The following STK10 variants were observed in gnomAD, a reference collection of about 807,000 sequenced individuals.
STK10 encodes serine/threonine kinase 10.
STK10 carries 78 observed loss-of-function variants against 113.8 expected under a neutral mutation model. The ratio of observed to expected loss-of-function variants is 0.69; its 90% CI spans 0.57 to 0.83. The LOEUF (loss-of-function observed/expected upper bound fraction) is 0.83. Ranked by LOEUF, STK10 falls within the 40% of genes least tolerant of loss-of-function variation. The probability of loss-of-function intolerance (pLI) is 0.00; values close to 1 mark genes in which losing one functional copy is unlikely to be tolerated. For synonymous variants in STK10, 465 were observed against 494.7 expected, an observed-to-expected ratio of 0.94 and a Z score of 0.80; for missense variants, 1,109 against 1,280.1, an observed-to-expected ratio of 0.87 and a Z score of 2.04.
rs1299926670 is a variant in STK10 at position 172,042,110 on chromosome 5, CATTCT to C, written c.*2767_*2771del. 1 of 152,572 alleles carries C rather than the reference CATTCT, an allele frequency of 6.6e-6. No individual in the cohort carries two copies. The highest frequency in any genetic ancestry group is 1.5e-5 in the Non-Finnish European group (1 of 68,034). 9.5% of individuals were successfully genotyped at this position (152,572 alleles called of 1,614,324 possible). A position where few individuals can be genotyped will look rare whatever the true frequency, so the allele number is the denominator to read the frequency against. The stretch of plus-strand genomic sequence containing the variant: ...TGTTATTTTATTAGAAGCATATTTA[CATTCT>C]TGTAGTTAACTTTCCAGAGAACATT... On this transcript the variant is annotated 3_prime_UTR_variant, in exon 19 of 19. Transcript: ENST00000176763.
At chr5:172,126,441 G>A (rs1257845213) in intron 3 of STK10, among the ~76,000 whole-genome samples, 2 of 152,152 alleles carry the variant, frequency 1.3e-5, no homozygotes, top group African/African-American at 2.4e-5. Context: ...GTGGGCACCT[G>A]TAGTCCCAGC....
rs1770995962 is a variant in STK10 at position 172,188,169 on chromosome 5, T to C, written c.-127A>G. 2 of 1,432,188 alleles carry C rather than the reference T, an allele frequency of 1.4e-6. No homozygotes were observed. Among genetic ancestry groups the C allele is most frequent in the Non-Finnish European group, 1.8e-6 (2 of 1,085,262 alleles). The allele number at this position is 1,432,188 out of a possible 1,614,324, so 88.7% of individuals were successfully genotyped here. ...TCTCGGGGTTCTCCCCAGACCCGCC[T>C]TTCCCCGCAGCCCGACCTCGGTCAA... On this transcript the variant is annotated 5_prime_UTR_variant, in exon 1 of 19. Transcript: ENST00000176763. This position sits in a 1 kb window ranked among gnomAD's most constrained non-coding sequence, Gnocchi z 5.6.
At chr5:172,068,288 C>T (rs1375245996) in intron 12 of STK10, among the ~76,000 whole-genome samples, 2 of 151,132 alleles carry the variant, frequency 1.3e-5, no homozygotes, top group Non-Finnish European at 2.9e-5. Context: ...TGCAGTGAGC[C>T]GAGATCACAC....
chr5:172,086,278 T>C (rs1004911087), intron 10 of STK10, among the ~76,000 whole-genome samples: 3 of 152,096 alleles, frequency 2.0e-5, no homozygotes, highest in Non-Finnish European at 4.4e-5. Context: ...AGGCGCTTTC[T>C]ACAGCCACAG....
At position 172,044,740 on chromosome 5, in the gene STK10, T is replaced by C. The variant is rs112260777; in HGVS notation, c.*142A>G. The C allele has an allele frequency of 3.8e-5, 52 of 1,378,802 alleles. No homozygotes were observed. The highest frequency in any genetic ancestry group is 1.2e-4 in the East Asian group (5 of 43,402). The allele number at this position is 1,378,802 out of a possible 1,614,324, so 85.4% of individuals were successfully genotyped here. A position where few individuals can be genotyped will look rare whatever the true frequency, so the allele number is the denominator to read the frequency against. ...GCTGGGGCAGGTCTATCAGGCACAG[T>C]TGGGGTGGCACAGGGCGAGGGGCTG... is the stretch of plus-strand genomic sequence containing the variant. On this transcript the variant is annotated 3_prime_UTR_variant, in exon 19 of 19. Transcript: ENST00000176763. The surrounding 1 kb of genome is among the most constrained non-coding windows in gnomAD (Gnocchi z 4.5).
chr5:172,115,930 C>G (rs1354107973), intron 4 of STK10, among the ~76,000 whole-genome samples: 1 of 152,126 alleles, frequency 6.6e-6, no homozygotes, highest in East Asian at 1.9e-4. Flanking sequence ...CCTGACTGGT[C>G]CACCTGCCAA....
intron 18 of STK10, among the ~76,000 whole-genome samples, chr5:172,045,716 G>A (rs1767482849): frequency 6.6e-6 from 1 of 152,010 alleles, no homozygotes; most frequent in Admixed American, 6.6e-5. Flanking sequence ...TTGAGACAGA[G>A]TTTTGCTCTG....
intron 3 of STK10, among the ~76,000 whole-genome samples, chr5:172,126,363 G>A (rs1369303282): frequency 2.0e-5 from 3 of 152,152 alleles, no homozygotes; most frequent in African/African-American, 4.8e-5. Context: ...TCAGGAGTTC[G>A]AGACCAGCCT....
chr5:172,132,169 T>C (rs1769769908), intron 2 of STK10, among the ~76,000 whole-genome samples: 1 of 152,150 alleles, frequency 6.6e-6, no homozygotes, highest in African/African-American at 2.4e-5. Flanking sequence ...AATAAAATAA[T>C]AATCTCAATG....
chr5:172,188,203 T>A lies in STK10; in HGVS notation c.-161A>T, dbSNP rs910149103. The A allele has an allele frequency of 9.6e-6, 12 of 1,250,490 alleles. No individual in the cohort carries two copies. The South Asian group carries it at 2.0e-4, about 21-fold the overall frequency. 77.5% of individuals were successfully genotyped at this position (1,250,490 alleles called of 1,614,324 possible). ...AGCCCGACCTCGGTCAAGTGTGCCC[T>A]GGGCAGCGCCGCGCCGGGAGCACCC... On this transcript the variant is annotated 5_prime_UTR_variant, in exon 1 of 19. Coordinates refer to ENST00000176763, the MANE Select transcript of STK10 (RefSeq NM_005990.4). This position sits in a 1 kb window ranked among gnomAD's most constrained non-coding sequence, Gnocchi z 5.6.
chr5:172,176,751 TG>T (rs1159350379), intron 1 of STK10, among the ~76,000 whole-genome samples: 1 of 152,238 alleles, frequency 6.6e-6, no homozygotes, highest in African/African-American at 2.4e-5. Flanking sequence ...ACTTGGTCCC[TG>T]CTATGGTCCG....
In STK10 at chr5:172,117,553, T is replaced by C. The variant is rs1769414855; in HGVS notation, c.448A>G (p.Ser150Gly). Residue 150 changes from serine (S) to glycine (G), a missense_variant, in exon 4 of 19, where the codon AGC becomes GGC. Transcript: ENST00000176763. ...QMLEALNFLH[S>G]KRIIHRDLKA... is the part of the protein sequence containing the mutation. Reference sequence around the variant, plus strand: ...AGATCTCGGTGGATGATCCTCTTGCTGTGCAGGAAGTTGAGGGCTTCTAGC... The same window carrying C: ...AGATCTCGGTGGATGATCCTCTTGCCGTGCAGGAAGTTGAGGGCTTCTAGC... 6.2e-7 allele frequency: 1 copy of C among 1,613,348 alleles called. No individual in the cohort carries two copies. Among genetic ancestry groups the C allele is most frequent in the Non-Finnish European group, 8.5e-7 (1 of 1,179,822 alleles).
chr5:172,143,261 G>T (rs1770014851), intron 2 of STK10, among the ~76,000 whole-genome samples: 1 of 152,198 alleles, frequency 6.6e-6, no homozygotes, highest in Non-Finnish European at 1.5e-5. Flanking sequence ...AGCTACTCGG[G>T]AGGCTGAGGC....
At chr5:172,172,322 G>C (rs1035326589) in intron 1 of STK10, among the ~76,000 whole-genome samples, 1 of 152,230 alleles carries the variant, frequency 6.6e-6, no homozygotes, top group African/African-American at 2.4e-5. Context: ...TCCCTATCAT[G>C]GGGCCATGCC....
At position 172,044,477 on chromosome 5, in the gene STK10, G is replaced by A. The variant is rs1767454786; in HGVS notation, c.*405C>T. On this transcript the variant is annotated 3_prime_UTR_variant, in exon 19 of 19. Transcript: ENST00000176763. This position sits in a 1 kb window ranked among gnomAD's most constrained non-coding sequence, Gnocchi z 4.5. ...CTGAAAAACCAAGAATTCCAGCCCG[G>A]ATGAGCCCACGGGGACTTCATCAGC... is the stretch of plus-strand genomic sequence containing the variant. 1 of 187,144 alleles carries A rather than the reference G, an allele frequency of 5.3e-6. No homozygotes were observed. Among genetic ancestry groups the A allele is most frequent in the Admixed American group, 5.5e-5 (1 of 18,100 alleles). 11.6% of individuals were successfully genotyped at this position (187,144 alleles called of 1,614,324 possible).
intron 2 of STK10, among the ~76,000 whole-genome samples, chr5:172,152,898 A>G (rs1298228984): frequency 7.2e-5 from 11 of 152,268 alleles, no homozygotes; most frequent in African/African-American, 2.7e-4. Flanking sequence ...CAAAATGATC[A>G]TATTTTTATA....
Position 172,093,470 on chromosome 5 carries a change from C to T in STK10, c.1496G>A (p.Gly499Asp), listed in dbSNP as rs1768767136. The T allele has an allele frequency of 6.2e-7, 1 of 1,614,158 alleles. No homozygotes were observed. Among genetic ancestry groups the T allele is most frequent in the South Asian group, 1.1e-5 (1 of 91,072 alleles). ...SLCTSESMDYGTNLSTDLSLN... is the reference protein window; with the variant it reads ...SLCTSESMDYDTNLSTDLSLN... ...CGACAGGTCAGTGGAGAGATTGGTA[C>T]CATAGTCCATGCTCTCAGAGGTGCA... The change falls in exon 9 of 19, where the codon GGT becomes GAT. Residue 499 changes from glycine to aspartate, a missense_variant. Physicochemically the swap from Gly to Asp is moderately conservative, Grantham distance 94. Coordinates refer to ENST00000176763, the MANE Select transcript of STK10 (RefSeq NM_005990.4). The surrounding 1 kb of genome is among the most constrained non-coding windows in gnomAD (Gnocchi z 4.1).
chr5:172,166,965 G>A (rs141495544), intron 1 of STK10, among the ~76,000 whole-genome samples: 77 of 152,168 alleles, frequency 5.1e-4, no homozygotes, highest in Non-Finnish European at 9.4e-4. Flanking sequence ...TTCGAGGCCA[G>A]GCTGACCAAC....
Position 172,185,157 on chromosome 5 carries a change from G to A in STK10, c.156+2730C>T, listed in dbSNP as rs139311054. On this transcript the variant is annotated intron_variant, in intron 1 of 18. Coordinates refer to ENST00000176763, the MANE Select transcript of STK10 (RefSeq NM_005990.4). ...TACCAGCATGAAAGCAAAGTTCTGCGTTTAAGTTTAAAGGAAGATGAACCC... is the reference window on the plus strand; with the variant it reads ...TACCAGCATGAAAGCAAAGTTCTGCATTTAAGTTTAAAGGAAGATGAACCC... Among the ~76,000 whole-genome samples, 293 of 152,028 alleles carry A rather than the reference G, an allele frequency of 1.9e-3. 1 individual carries two copies. The highest frequency in any genetic ancestry group is 6.6e-3 in the African/African-American group (273 of 41,472).
Sources: allele counts gnomAD v4.1 joint callset (sites outside exome capture counted in the v4.1 genomes callset), GRCh38; gene constraint gnomAD v4.1.1; non-coding constraint Gnocchi (gnomAD v3.1); transcripts MANE v1.5; gene names NCBI Gene and HGNC (gene_info 2026-07-23, HGNC 2026-07-21).